Variants in SYNE1 observed in about 807,000 individuals in gnomAD.
SYNE1 encodes the protein nesprin-1.
Under a neutral mutation model 1,111.0 loss-of-function variants are expected in SYNE1, and 616 were observed. The observed-to-expected ratio is 0.55, with a 90% CI of 0.52 to 0.59. The LOEUF is 0.59. Ranked by LOEUF, SYNE1 falls within the 20% of genes least tolerant of loss-of-function variation. The probability of loss-of-function intolerance (pLI) is 0.00; values close to 1 mark genes in which losing one functional copy is unlikely to be tolerated. For synonymous variants in SYNE1, 3,855 were observed against 3,825.8 expected, an observed-to-expected ratio of 1.01 and a Z score of -0.28; for missense variants, 10,006 against 10,417.0, an observed-to-expected ratio of 0.96 and a Z score of 1.72.
intron 95 of SYNE1, among the ~76,000 whole-genome samples, chr6:152,284,610 ATTTTTTTTTTT>A (rs760978831): frequency 6.5e-5 from 7 of 108,156 alleles, no homozygotes; most frequent in South Asian, 3.1e-4. Context: ...ACACCTGGTA[ATTTTTTTTTTT>A]TTTTTTTTTT....
At chr6:152,185,055 T>C (rs1223800423) in intron 128 of SYNE1, among the ~76,000 whole-genome samples, 4 of 152,138 alleles carry the variant, frequency 2.6e-5, no homozygotes, top group African/African-American at 9.7e-5. Flanking sequence ...CCTTTTCTGG[T>C]TGAAATATTT....
rs747947368 is a variant in SYNE1, at chr6:152,277,264, CTTTTTTT to C, written c.18573+818_18573+824del. Among the ~76,000 whole-genome samples the C allele has an allele frequency of 5.2e-3, 427 of 82,074 alleles. 2 individuals are homozygous for C. In the East Asian group the frequency reaches 0.057, roughly 11 times the overall value. 53.8% of individuals were successfully genotyped at this position (82,074 alleles called of 152,430 possible). A position where few individuals can be genotyped will look rare whatever the true frequency, so the allele number is the denominator to read the frequency against. Reference sequence around the variant, plus strand: ...TGCAATCACACTCCTTTTTCTTTTTCTTTTTTTTTTTTTTTTTTTTTTTTTTGTTATG... The same window carrying C: ...TGCAATCACACTCCTTTTTCTTTTTCTTTTTTTTTTTTTTTTTTTGTTATG... On this transcript the variant is annotated intron_variant, in intron 98 of 145. Coordinates refer to ENST00000367255, the MANE Select transcript of SYNE1 (RefSeq NM_182961.4).
In SYNE1 at chr6:152,149,451, C is replaced by T. The variant is rs1586225121; in HGVS notation, c.24642+26G>A. On this transcript the variant is annotated intron_variant, in intron 136 of 145. Coordinates refer to ENST00000367255, the MANE Select transcript of SYNE1 (RefSeq NM_182961.4). ...GACTTATTCTCTTTAGATTTAATGACAACTAAGAAAATCAATGTTACATAC... is the reference window on the plus strand; with the variant it reads ...GACTTATTCTCTTTAGATTTAATGATAACTAAGAAAATCAATGTTACATAC... 7 of 1,613,718 alleles carry T rather than the reference C, an allele frequency of 4.3e-6. No homozygotes were observed. In the East Asian group the frequency reaches 1.6e-4, roughly 36 times the overall value.
In SYNE1 at chr6:152,214,909, A is replaced by C; in HGVS notation, c.22343T>G (p.Phe7448Cys). 6.2e-7 allele frequency: 1 copy of C among 1,614,116 alleles called. No homozygotes were observed. The highest frequency in any genetic ancestry group is 8.5e-7 in the Non-Finnish European group (1 of 1,179,986). The change falls in exon 122 of 146, where the codon TTC (phenylalanine) becomes TGC (cysteine). Residue 7448 changes from phenylalanine (F) to cysteine (C), a missense_variant. By Grantham distance (205) the Phe-to-Cys change is radical. Coordinates refer to ENST00000367255, the MANE Select transcript of SYNE1 (RefSeq NM_182961.4). Reference protein sequence around the residue: ...SLISSQTTERFSKLQSFLLQH... With the variant: ...SLISSQTTERCSKLQSFLLQH... The stretch of plus-strand genomic sequence containing the variant: ...AGACATCTCTTGTTTACTCTACCTG[A>C]ATCTTTCTGTAGTCTGAGAGGAGAT...
At chr6:152,389,342 C>T (rs1217369861) in intron 53 of SYNE1, among the ~76,000 whole-genome samples, 1 of 152,150 alleles carries the variant, frequency 6.6e-6, no homozygotes, top group East Asian at 1.9e-4. Context: ...TTTGCTGCTC[C>T]TCTCCCTCCT....
At chr6:152,478,016 C>T (rs553646086) in intron 14 of SYNE1, among the ~76,000 whole-genome samples, 51 of 152,302 alleles carry the variant, frequency 3.3e-4, no homozygotes, top group African/African-American at 1.1e-3. Context: ...CTCCTCCTGC[C>T]TTGGCTTCTC....
chr6:152,368,832 G>T, intron 61 of SYNE1, 140 bp downstream of exon 61: 1 of 1,001,204 alleles, frequency 1.0e-6, no homozygotes, highest in Non-Finnish European at 1.6e-6. Flanking sequence ...TAAGGAAACA[G>T]CACACACGCC....
intron 3 of SYNE1, among the ~76,000 whole-genome samples, chr6:152,596,503 G>A (rs1002293191): frequency 6.6e-6 from 1 of 152,078 alleles, no homozygotes. Flanking sequence ...TGATCCGCCC[G>A]CCTTGGCCTC....
At chr6:152,335,566 A>G (rs1438278670) in intron 76 of SYNE1, 1 of 152,104 alleles carries the variant, frequency 6.6e-6, no homozygotes, top group Non-Finnish European at 1.5e-5. Context: ...TTTTCTCTGT[A>G]CTTGCAAACA....
At position 152,175,175 on chromosome 6, in the gene SYNE1, A is replaced by G. The variant is rs1326438402; in HGVS notation, c.23627+1219T>C. On this transcript the variant is annotated intron_variant, in intron 130 of 145. Coordinates refer to ENST00000367255, the MANE Select transcript of SYNE1 (RefSeq NM_182961.4). The stretch of plus-strand genomic sequence containing the variant: ...CACTGTACTCCAGCCTGGGCAACAG[A>G]GCAAGACTCCATCTCAAATATAAAT... Among the ~76,000 whole-genome samples the G allele has an allele frequency of 2.6e-5, 4 of 152,292 alleles. No individual in the cohort carries two copies. The East Asian group carries it at 5.8e-4, about 22-fold the overall frequency.
chr6:152,358,453 GC>G lies in SYNE1; in HGVS notation c.10527del (p.Gln3510LysfsTer40). Reference protein sequence around the residue: ...RDLKAFEVWLGQEQEKLDQYS... With the variant: ...RDLKAFEVWLXQEQEKLDQYS... ...TACTGGTCGAGCTTTTCTTGTTCTT[GC>G]CCCAACCAAACTTCAAATGCCTTTA... On this transcript the variant is annotated frameshift_variant, in exon 66 of 146. Transcript: ENST00000367255. LOFTEE classifies it high-confidence loss of function. 1 of 1,614,104 alleles carries G rather than the reference GC, an allele frequency of 6.2e-7. No individual in the cohort carries two copies. Among genetic ancestry groups the G allele is most frequent in the Non-Finnish European group, 8.5e-7 (1 of 1,180,014 alleles).
chr6:152,343,962 T>C (rs1289440006), intron 74 of SYNE1, 119 bp downstream of exon 74: 1 of 1,434,552 alleles, frequency 7.0e-7, no homozygotes, highest in East Asian at 2.3e-5. Context: ...TCAGACCTTC[T>C]TCCTACTTTT....
chr6:152,500,157 T>TAAA (rs923171784), intron 10 of SYNE1, among the ~76,000 whole-genome samples: 2 of 152,200 alleles, frequency 1.3e-5, no homozygotes, highest in Admixed American at 1.3e-4. Flanking sequence ...ACTTCACGTA[T>TAAA]AAAAACCAGA....
intron 41 of SYNE1, among the ~76,000 whole-genome samples, chr6:152,415,995 C>T (rs2098147784): frequency 4.6e-5 from 7 of 151,908 alleles, no homozygotes; most frequent in Admixed American, 4.6e-4. Context: ...TTGAGGGCTT[C>T]AACACTTAAA....
intron 104 of SYNE1, among the ~76,000 whole-genome samples, chr6:152,250,571 C>T (rs914872923): frequency 6.6e-6 from 1 of 152,146 alleles, no homozygotes; most frequent in Non-Finnish European, 1.5e-5. Flanking sequence ...TAGCGCTGAA[C>T]ATGAGAACTA....
intron 72 of SYNE1, among the ~76,000 whole-genome samples, chr6:152,349,444 C>A (rs1447128867): frequency 6.6e-6 from 1 of 152,206 alleles, no homozygotes; most frequent in Non-Finnish European, 1.5e-5. Flanking sequence ...CTCAGATAGG[C>A]TAAGTTGTCT....
At chr6:152,341,997 AG>A (rs2096543874) in intron 74 of SYNE1, among the ~76,000 whole-genome samples, 1 of 152,240 alleles carries the variant, frequency 6.6e-6, no homozygotes, top group African/African-American at 2.4e-5. Flanking sequence ...AAATAAAAAA[AG>A]GGAACAAAAT....
At chr6:152,626,313 C>G (rs757126841) in intron 3 of SYNE1, among the ~76,000 whole-genome samples, 1 of 152,078 alleles carries the variant, frequency 6.6e-6, no homozygotes, top group Non-Finnish European at 1.5e-5. Context: ...ATGTTCACAT[C>G]TAATATATTC....
chr6:152,136,474 G>C, intron 141 of SYNE1, 144 bp downstream of exon 141: 1 of 958,812 alleles, frequency 1.0e-6, no homozygotes, highest in Non-Finnish European at 1.6e-6. Flanking sequence ...AAAATGAAAA[G>C]TTTGGGCACA....
Sources: allele counts gnomAD v4.1 joint callset (sites outside exome capture counted in the v4.1 genomes callset), GRCh38; gene constraint gnomAD v4.1.1; transcripts MANE v1.5; gene names NCBI Gene and HGNC (gene_info 2026-07-23, HGNC 2026-07-21).